DTL: variants seen among roughly 807,000 people sequenced by gnomAD.
The protein encoded by DTL is denticleless protein homolog.
DTL carries 46 observed loss-of-function variants against 87.0 expected under a neutral mutation model. That is an observed-to-expected ratio of 0.53 (90% confidence interval 0.42 to 0.68). The LOEUF (loss-of-function observed/expected upper bound fraction) is 0.68. DTL is among the 30% of genes least tolerant of loss of function. DTL has a pLI of 0.00. For synonymous variants in DTL, 308 were observed against 311.2 expected (o/e 0.99, Z 0.11); for missense variants, 737 against 869.4 (o/e 0.85, Z 1.91).
chr1:212,103,036 A>G lies in DTL; in HGVS notation c.*96A>G, dbSNP rs1477929979. On this transcript the variant is annotated 3_prime_UTR_variant, in exon 15 of 15. Transcript: ENST00000366991. ...ATGAAAAATACAAGAGTGACTCTAT[A>G]ACTCTGGTCTTTAAGAAAGCTGCCT... 4.7e-6 allele frequency: 3 copies of G among 635,072 alleles called. No individual in the cohort carries two copies. Among genetic ancestry groups the G allele is most frequent in the Non-Finnish European group, 7.9e-6 (3 of 378,030 alleles). The allele number at this position is 635,072 out of a possible 1,614,324, so 39.3% of individuals were successfully genotyped here.
intron 5 of DTL, among the ~76,000 whole-genome samples, chr1:212,054,792 CAAAAAAA>C (rs756328781): frequency 1.5e-5 from 1 of 68,532 alleles, no homozygotes; most frequent in Admixed American, 1.7e-4. Context: ...GACACCACCT[CAAAAAAA>C]AAAAAAAAAA....
At chr1:212,058,156 G>T (rs955054222) in intron 5 of DTL, among the ~76,000 whole-genome samples, 2 of 152,070 alleles carry the variant, frequency 1.3e-5, no homozygotes, top group Admixed American at 1.3e-4. Context: ...GCGTTAGACA[G>T]ATATCTAGAA....
At chr1:212,074,272 G>A (rs1372596826) in intron 11 of DTL, among the ~76,000 whole-genome samples, 1 of 151,596 alleles carries the variant, frequency 6.6e-6, no homozygotes, top group Admixed American at 6.6e-5. Flanking sequence ...TATATTATGT[G>A]TATCTTGTGT....
chr1:212,076,553 A>T (rs1654836221), intron 11 of DTL, among the ~76,000 whole-genome samples: 2 of 9,830 alleles, frequency 2.0e-4, no homozygotes, highest in South Asian at 4.5e-3. Context: ...AATATCATGA[A>T]ATTAAAAAGC....
At position 212,052,069 on chromosome 1, in the gene DTL, T is replaced by C. The variant is rs1668002138; in HGVS notation, c.460+4652T>C. Reference sequence around the variant, plus strand: ...AAGAAGCTGGATATGAAATTCTGGGTCAACAGCTTTTTTTTCCTTTCATTG... The same window carrying C: ...AAGAAGCTGGATATGAAATTCTGGGCCAACAGCTTTTTTTTCCTTTCATTG... On this transcript the variant is annotated intron_variant, in intron 5 of 14. Coordinates refer to ENST00000366991, the MANE Select transcript of DTL (RefSeq NM_016448.4). 5 of 900,048 alleles carry C rather than the reference T, an allele frequency of 5.6e-6. No homozygotes were observed. The Admixed American group carries it at 8.8e-5, about 16-fold the overall frequency. The allele number at this position is 900,048 out of a possible 1,614,324, so 55.8% of individuals were successfully genotyped here.
chr1:212,042,416 A>G (rs1052133766), intron 1 of DTL, among the ~76,000 whole-genome samples: 3 of 152,238 alleles, frequency 2.0e-5, no homozygotes, highest in African/African-American at 7.2e-5. Context: ...AGGGGTAGGT[A>G]CATAACACTT....
At chr1:212,049,129 G>T (rs978965734) in intron 5 of DTL, among the ~76,000 whole-genome samples, 8 of 152,122 alleles carry the variant, frequency 5.3e-5, no homozygotes, top group African/African-American at 1.9e-4. Context: ...CGCCATGTCG[G>T]CCAGGTTGGT....
chr1:212,075,224 A>G (rs1339574916), intron 11 of DTL, among the ~76,000 whole-genome samples: 2 of 152,236 alleles, frequency 1.3e-5, no homozygotes, highest in Non-Finnish European at 2.9e-5. Flanking sequence ...AGTACACAAA[A>G]TAACTTTATG....
Position 212,059,151 on chromosome 1 carries a change from G to A in DTL, c.461-3733G>A, listed in dbSNP as rs184518580. Among the ~76,000 whole-genome samples the A allele has an allele frequency of 1.2e-4, 19 of 152,120 alleles. No individual in the cohort carries two copies. In the East Asian group the frequency reaches 3.5e-3, roughly 28 times the overall value. On this transcript the variant is annotated intron_variant, in intron 5 of 14. Transcript: ENST00000366991. ...CTATTCCAAAAATTGAAAAGGATGG[G>A]AATTCTCCCTAACTCATTCTACAAG...
chr1:212,069,816 T>C lies in DTL; in HGVS notation c.922+1113T>C, dbSNP rs751744691. Among the ~76,000 whole-genome samples, 84 of 152,180 alleles carry C rather than the reference T, an allele frequency of 5.5e-4. 1 individual carries two copies. The highest frequency in any genetic ancestry group is 2.0e-4 in the Admixed American group (3 of 15,276). On this transcript the variant is annotated intron_variant, in intron 10 of 14. Coordinates refer to ENST00000366991, the MANE Select transcript of DTL (RefSeq NM_016448.4). ...ACCTCAGCCTCCCAAAGTGCTGGGA[T>C]TACAGGCGTGAGCCACCATGCCCGG...
chr1:212,037,492 A>G (rs1161756943), intron 1 of DTL, among the ~76,000 whole-genome samples: 1 of 152,160 alleles, frequency 6.6e-6, no homozygotes, highest in Non-Finnish European at 1.5e-5. Flanking sequence ...TAATGTCTAG[A>G]TAGGCTCTTG....
intron 10 of DTL, among the ~76,000 whole-genome samples, chr1:212,069,615 G>A (rs1266465381): frequency 2.0e-5 from 3 of 151,034 alleles, no homozygotes; most frequent in Non-Finnish European, 2.9e-5. Flanking sequence ...GTTCGATCTC[G>A]GCTCACTGCA....
chr1:212,043,742 C>T (rs998499451), intron 2 of DTL, among the ~76,000 whole-genome samples: 1 of 150,668 alleles, frequency 6.6e-6, no homozygotes, highest in Non-Finnish European at 1.5e-5. Flanking sequence ...AGACAAGAGA[C>T]TCACTTGAAC....
In DTL at chr1:212,057,267, A is replaced by G. The variant is rs567729577; in HGVS notation, c.461-5617A>G. Among the ~76,000 whole-genome samples the G allele has an allele frequency of 4.6e-5, 7 of 152,140 alleles. No individual in the cohort carries two copies. The South Asian group carries it at 1.5e-3, about 32-fold the overall frequency. ...GCAGAGAAAAAACATCTAGTCACCT[A>G]TAAAAGAAACCCCATCAGACCTAAC... On this transcript the variant is annotated intron_variant, in intron 5 of 14. Coordinates refer to ENST00000366991, the MANE Select transcript of DTL (RefSeq NM_016448.4).
At chr1:212,048,775 A>G (rs1386303814) in intron 5 of DTL, among the ~76,000 whole-genome samples, 1 of 151,878 alleles carries the variant, frequency 6.6e-6, no homozygotes, top group Non-Finnish European at 1.5e-5. Flanking sequence ...TTAATCTCTG[A>G]ATAATAGTGA....
intron 5 of DTL, among the ~76,000 whole-genome samples, chr1:212,059,022 T>C (rs1406738844): frequency 2.0e-5 from 3 of 151,802 alleles, no homozygotes; most frequent in Non-Finnish European, 2.9e-5. Context: ...AGTAACAAGA[T>C]CAAAGCAATA....
At chr1:212,050,053 C>G (rs2102533441) in intron 5 of DTL, among the ~76,000 whole-genome samples, 1 of 151,960 alleles carries the variant, frequency 6.6e-6, no homozygotes, top group Admixed American at 6.6e-5. Flanking sequence ...CACCTATAGT[C>G]CGAGCTACTT....
rs572349422 is a variant in DTL, at chr1:212,103,090, G to A, written c.*150G>A. ...CATTTTTAGACAAAATCTTTTCAAC[G>A]CTGAAATGTACCTAATCTGGTTCTA... On this transcript the variant is annotated 3_prime_UTR_variant, in exon 15 of 15. Coordinates refer to ENST00000366991, the MANE Select transcript of DTL (RefSeq NM_016448.4). 13 of 505,392 alleles carry A rather than the reference G, an allele frequency of 2.6e-5. No homozygotes were observed. Among genetic ancestry groups the A allele is most frequent in the African/African-American group, 7.9e-5 (4 of 50,356 alleles). 31.3% of individuals were successfully genotyped at this position (505,392 alleles called of 1,614,324 possible).
intron 13 of DTL, among the ~76,000 whole-genome samples, chr1:212,085,664 T>C (rs1162899596): frequency 6.6e-6 from 1 of 152,238 alleles, no homozygotes; most frequent in Non-Finnish European, 1.5e-5. Context: ...GTTTATCTGT[T>C]TTTTCCTTTG....
Sources: gnomAD v4.1 joint callset for allele counts (sites outside exome capture counted in the v4.1 genomes callset) on GRCh38, gnomAD v4.1.1 for gene constraint, MANE v1.5 for transcripts, NCBI Gene and HGNC (gene_info 2026-07-23, HGNC 2026-07-21) for gene names.